The following TJP2 variants were observed in gnomAD, a reference collection of about 807,000 sequenced individuals.
TJP2 encodes tight junction protein 2.
TJP2 carries 91 observed loss-of-function variants against 133.1 expected under a neutral mutation model. The observed-to-expected ratio is 0.68, with a 90% confidence interval of 0.58 to 0.81. TJP2 has a LOEUF of 0.81. TJP2 is among the 40% of genes least tolerant of loss of function. TJP2 has a pLI of 0.00. For missense variants in TJP2, 1,541 were observed against 1,565.6 expected (o/e 0.98, Z 0.26); for synonymous variants, 592 against 583.4 (o/e 1.01, Z -0.21).
upstream of TJP2, among the ~76,000 whole-genome samples, chr9:69,171,186 C>T (rs1427743092): frequency 6.6e-6 from 1 of 152,146 alleles, no homozygotes; most frequent in Non-Finnish European, 1.5e-5. Context: ...TGAGAGTCAG[C>T]GTAGGCTCAC....
chr9:69,227,973 TG>T lies in TJP2; in HGVS notation c.1320-7del. The T allele has an allele frequency of 1.2e-6, 2 of 1,614,182 alleles. No individual in the cohort carries two copies. Among genetic ancestry groups the T allele is most frequent in the Middle Eastern group, 1.6e-4 (1 of 6,062 alleles). On this transcript the variant is annotated splice_polypyrimidine_tract_variant and splice_region_variant and intron_variant, in intron 8 of 22. Coordinates refer to ENST00000377245, the MANE Select transcript of TJP2 (RefSeq NM_004817.4). The stretch of plus-strand genomic sequence containing the variant: ...TCTTGAGACATTTACGTATGACATG[TG>T]ATTCAGTTCCAGAGAGGACACGCCG...
rs150534966 is a variant in TJP2 at position 69,154,171 on chromosome 9, T to A, written c.-10+2400T>A. 7.1e-4 allele frequency among the ~76,000 whole-genome samples: 108 copies of A among 152,336 alleles called. 2 individuals are homozygous for A. The highest frequency in any genetic ancestry group is 2.5e-3 in the African/African-American group (104 of 41,572). On this transcript the variant is annotated intron_variant, in intron 2 of 5. Transcript: ENST00000423935. Reference sequence around the variant, plus strand: ...GTGAGATTTGTATTTCTATACTAATTCTACAGAGCTTGAAGACTTAACTCC... The same window carrying A: ...GTGAGATTTGTATTTCTATACTAATACTACAGAGCTTGAAGACTTAACTCC...
chr9:69,168,078 A>G (rs886285799), intron 2 of TJP2, among the ~76,000 whole-genome samples: 1 of 152,178 alleles, frequency 6.6e-6, no homozygotes, highest in Non-Finnish European at 1.5e-5. Context: ...TCCTGAAGAC[A>G]GGTAGTCTGA....
chr9:69,238,493 C>G (rs1830353333), intron 15 of TJP2, among the ~76,000 whole-genome samples: 1 of 152,012 alleles, frequency 6.6e-6, no homozygotes, highest in African/African-American at 2.4e-5. Flanking sequence ...TTGAAGAATC[C>G]AAGCTAGTTG....
intron 1 of TJP2, among the ~76,000 whole-genome samples, chr9:69,128,676 C>T (rs1380313617): frequency 5.9e-5 from 9 of 151,992 alleles, no homozygotes; most frequent in African/African-American, 2.2e-4. Context: ...GCGCCCAACA[C>T]CACGCCCGGC....
At chr9:69,249,749 A>T in intron 20 of TJP2, 1 of 985,010 alleles carries the variant, frequency 1.0e-6, no homozygotes, top group South Asian at 4.7e-5. Flanking sequence ...CTTGTTAAAA[A>T]AAGATTGTAA....
intron 1 of TJP2, among the ~76,000 whole-genome samples, chr9:69,192,176 G>A (rs1826247561): frequency 1.3e-5 from 2 of 152,026 alleles, no homozygotes. Flanking sequence ...AGCTGGGCAT[G>A]GTGGCACATG....
intron 11 of TJP2, among the ~76,000 whole-genome samples, chr9:69,231,642 AT>A (rs146661236): frequency 0.083 from 12,653 of 152,154 alleles, 572 homozygotes; most frequent in African/African-American, 0.11. Context: ...AGTATTTCAG[AT>A]TTCATTTCTG....
At chr9:69,153,491 C>T (rs901627482) in intron 2 of TJP2, among the ~76,000 whole-genome samples, 1 of 151,900 alleles carries the variant, frequency 6.6e-6, no homozygotes, top group Non-Finnish European at 1.5e-5. Flanking sequence ...GGCTGAGGCA[C>T]GAGAATCACT....
At chr9:69,130,015 C>CAAAAAAAAAAAAAAAAAAAA (rs11355311) in intron 1 of TJP2, among the ~76,000 whole-genome samples, 3 of 94,172 alleles carry the variant, frequency 3.2e-5, no homozygotes, top group Admixed American at 1.1e-4. Flanking sequence ...AACTCTGCCT[C>CAAAAAAAAAAAAAAAAAAAA]AAAAAAAAAA....
intron 5 of TJP2, among the ~76,000 whole-genome samples, chr9:69,222,823 C>G (rs1001939627): frequency 2.0e-5 from 3 of 151,674 alleles, no homozygotes; most frequent in Admixed American, 6.6e-5. Flanking sequence ...AATCCCAGCA[C>G]TATGGGAGGC....
At chr9:69,129,321 G>A (rs1302533453) in intron 1 of TJP2, among the ~76,000 whole-genome samples, 1 of 152,010 alleles carries the variant, frequency 6.6e-6, no homozygotes, top group African/African-American at 2.4e-5. Flanking sequence ...GACCAGCCTG[G>A]CCAACATGGT....
rs776211476 is a variant in TJP2, at chr9:69,230,199, G to A, written c.1638G>A (p.Gln546=). ...AGIQEGTSAE[Q]EGLQEGDQIL... is the part of the protein sequence containing the mutation. ...TTCAAGAAGGGACCTCGGCGGAGCA[G>A]GAGGGCCTTCAAGAAGGAGACCAGA... Residue 546 remains glutamine (Q), a synonymous_variant, in exon 11 of 23, where the codon CAG becomes CAA. Coordinates refer to ENST00000377245, the MANE Select transcript of TJP2 (RefSeq NM_004817.4). 6.2e-6 allele frequency: 10 copies of A among 1,614,056 alleles called. No individual in the cohort carries two copies. In the East Asian group the frequency reaches 2.0e-4, roughly 32 times the overall value.
rs117135489 is a variant in TJP2, at chr9:69,218,474, G to A, written c.342+115G>A. The A allele has an allele frequency of 5.1e-3, 3,936 of 775,934 alleles. 39 individuals carry two copies. Among genetic ancestry groups the A allele is most frequent in the South Asian group, 0.021 (1,436 of 68,306 alleles). The allele number at this position is 775,934 out of a possible 1,614,324, so 48.1% of individuals were successfully genotyped here. Reference sequence around the variant, plus strand: ...AGAATTACATAACCTAGGGACCGCTGTTCTTGGATCCTCAGTACTTTTGGA... The same window carrying A: ...AGAATTACATAACCTAGGGACCGCTATTCTTGGATCCTCAGTACTTTTGGA... On this transcript the variant is annotated intron_variant, in intron 4 of 22. Transcript: ENST00000377245.
In TJP2 at chr9:69,237,921, T is replaced by C; in HGVS notation, c.2223T>C (p.Asp741=). 6.2e-7 allele frequency: 1 copy of C among 1,614,036 alleles called. No homozygotes were observed. The highest frequency in any genetic ancestry group is 8.5e-7 in the Non-Finnish European group (1 of 1,179,934). The change falls in exon 15 of 23, where the codon GAT becomes GAC. Residue 741 remains aspartate, a synonymous_variant. Transcript: ENST00000377245. ...TGGTCTTATTCGGCCCCATAGCTGA[T>C]ATAGCAATGGAAAAATTGGCTAATG... ...RPVVLFGPIA[D]IAMEKLANEL... is the part of the protein sequence containing the mutation.
At position 69,230,134 on chromosome 9, in the gene TJP2, T is replaced by A. The variant is rs780235767; in HGVS notation, c.1573T>A (p.Leu525Met). 9.3e-6 allele frequency: 15 copies of A among 1,614,180 alleles called. No individual in the cohort carries two copies. In the South Asian group the frequency reaches 1.4e-4, roughly 15 times the overall value. The change falls in exon 11 of 23, where the codon TTG (leucine) becomes ATG (methionine). Residue 525 changes from leucine (L) to methionine (M), a missense_variant. Transcript: ENST00000377245. ...FKKGDSVGLR[L>M]AGGNDVGIFV... ...GAAGGGAGACAGCGTGGGCCTCCGG[T>A]TGGCTGGTGGCAATGATGTCGGGAT... is the stretch of plus-strand genomic sequence containing the variant.
In TJP2 at chr9:69,249,460, C is replaced by T. The variant is rs1288468467; in HGVS notation, c.2966C>T (p.Pro989Leu). Reference protein sequence around the residue: ...SDQLRDNSPPPAFKPEPPKAK... With the variant: ...SDQLRDNSPPLAFKPEPPKAK... ...CAACTTAGGGACAATAGCCCGCCCC[C>T]AGCATTCAAGCCAGAGCCGCCCAAG... Residue 989 changes from proline to leucine, a missense_variant, in exon 20 of 23, where the codon CCA becomes CTA. Physicochemically the swap from Pro to Leu is moderately conservative, Grantham distance 98. Coordinates refer to ENST00000377245, the MANE Select transcript of TJP2 (RefSeq NM_004817.4). 1.9e-6 allele frequency: 3 copies of T among 1,609,056 alleles called. No individual in the cohort carries two copies.
intron 2 of TJP2, among the ~76,000 whole-genome samples, chr9:69,163,507 A>C (rs1824195277): frequency 6.6e-6 from 1 of 152,034 alleles, no homozygotes; most frequent in South Asian, 2.1e-4. Context: ...ATGGTGGTGC[A>C]CGCCTATGTT....
chr9:69,174,681 T>TAGGG (rs1322813709), intron 1 of TJP2, among the ~76,000 whole-genome samples: 1 of 152,132 alleles, frequency 6.6e-6, no homozygotes, highest in Non-Finnish European at 1.5e-5. Context: ...AAGGCGCGAG[T>TAGGG]AGGGGACACT....
Sources: gnomAD v4.1 joint callset for allele counts (sites outside exome capture counted in the v4.1 genomes callset) on GRCh38, gnomAD v4.1.1 for gene constraint, MANE v1.5 for transcripts, NCBI Gene and HGNC (gene_info 2026-07-23, HGNC 2026-07-21) for gene names.